Variants in SGCD observed in about 807,000 individuals in gnomAD.
SGCD encodes delta-sarcoglycan.
A neutral mutation model predicts 36.6 loss-of-function variants in SGCD; 18 were observed. The observed-to-expected ratio is 0.49, with a 90% CI of 0.34 to 0.73. The LOEUF is 0.73. Among genes scored for constraint, SGCD ranks in the 30% least tolerant of loss-of-function variants. SGCD has a pLI of 0.01. For synonymous variants in SGCD, 133 were observed against 130.6 expected (o/e 1.02, Z -0.12); for missense variants, 387 against 346.7 (o/e 1.12, Z -0.92).
At chr5:156,758,502 AT>A (rs1355360264) in intron 8 of SGCD, among the ~76,000 whole-genome samples, 5 of 151,718 alleles carry the variant, frequency 3.3e-5, no homozygotes, top group Non-Finnish European at 5.9e-5. Flanking sequence ...CCCCCTTTTG[AT>A]TGGTATGGCA....
intron 1 of SGCD, among the ~76,000 whole-genome samples, chr5:155,925,415 A>G (rs1756976479): frequency 6.6e-6 from 1 of 152,164 alleles, no homozygotes; most frequent in Non-Finnish European, 1.5e-5. Flanking sequence ...CCAAGGCCAC[A>G]TTCTCTCTGC....
intron 6 of SGCD, among the ~76,000 whole-genome samples, chr5:156,595,720 A>C (rs1308398837): frequency 6.6e-6 from 1 of 152,222 alleles, no homozygotes; most frequent in Admixed American, 6.5e-5. Context: ...TGATGCAGTG[A>C]TTCCTAAACC....
At chr5:156,173,713 CCAAA>C (rs1329868815) in intron 3 of SGCD, among the ~76,000 whole-genome samples, 3 of 151,826 alleles carry the variant, frequency 2.0e-5, no homozygotes, top group Admixed American at 1.3e-4. Context: ...TTAAAATTCC[CCAAA>C]CAATGTTAAA....
At chr5:156,021,233 A>C (rs1469216163) in intron 1 of SGCD, among the ~76,000 whole-genome samples, 5 of 152,162 alleles carry the variant, frequency 3.3e-5, no homozygotes, top group African/African-American at 4.8e-5. Context: ...GGCTTTTCAT[A>C]ATTTTTTAAA....
the SGCD span, among the ~76,000 whole-genome samples, chr5:155,770,348 C>A: frequency 6.6e-6 from 1 of 151,742 alleles, no homozygotes; most frequent in Non-Finnish European, 1.5e-5. Flanking sequence ...CATAAAGGAG[C>A]CAGCCATAGG....
At chr5:156,127,771 T>C (rs2127604870) in intron 3 of SGCD, among the ~76,000 whole-genome samples, 1 of 136,370 alleles carries the variant, frequency 7.3e-6, no homozygotes, top group East Asian at 2.2e-4. Flanking sequence ...GATATTTATG[T>C]AAAAAAATAA....
chr5:156,213,177 C>G (rs1216535774), intron 3 of SGCD, among the ~76,000 whole-genome samples: 1 of 151,662 alleles, frequency 6.6e-6, no homozygotes, highest in African/African-American at 2.4e-5. Flanking sequence ...GAGATCGAGA[C>G]TAGAAAAACA....
At chr5:156,509,369 G>T (rs747649447) in intron 4 of SGCD, among the ~76,000 whole-genome samples, 1 of 152,116 alleles carries the variant, frequency 6.6e-6, no homozygotes, top group Non-Finnish European at 1.5e-5. Flanking sequence ...AGGCTGCAGT[G>T]AGCCAAGATC....
intron 3 of SGCD, among the ~76,000 whole-genome samples, chr5:156,263,088 T>A (rs915740939): frequency 2.0e-5 from 3 of 152,108 alleles, no homozygotes; most frequent in Non-Finnish European, 4.4e-5. Flanking sequence ...TTTATCCTTT[T>A]TGTGTAATGA....
chr5:156,512,213 A>AG (rs1561746287), intron 4 of SGCD, among the ~76,000 whole-genome samples: 1 of 150,816 alleles, frequency 6.6e-6, no homozygotes, highest in Non-Finnish European at 1.5e-5. Flanking sequence ...AAAAAAAAAA[A>AG]GGAACAATTG....
intron 4 of SGCD, among the ~76,000 whole-genome samples, chr5:156,526,752 A>G (rs747917438): frequency 2.0e-5 from 3 of 152,172 alleles, no homozygotes; most frequent in Non-Finnish European, 2.9e-5. Context: ...ATTTTTTTTA[A>G]ACAGACACAT....
chr5:156,421,526 C>CTTA (rs1405529950), intron 3 of SGCD, among the ~76,000 whole-genome samples: 2 of 152,066 alleles, frequency 1.3e-5, no homozygotes, highest in African/African-American at 4.8e-5. Flanking sequence ...CACACATGAT[C>CTTA]TTATGGTCTA....
intron 3 of SGCD, among the ~76,000 whole-genome samples, chr5:156,497,513 G>A (rs893281877): frequency 6.6e-6 from 1 of 152,008 alleles, no homozygotes; most frequent in East Asian, 1.9e-4. Flanking sequence ...AACCTTATGA[G>A]ATTTTATAAA....
At chr5:155,915,366 T>C (rs1398331315) in intron 1 of SGCD, among the ~76,000 whole-genome samples, 3 of 152,104 alleles carry the variant, frequency 2.0e-5, no homozygotes, top group Non-Finnish European at 4.4e-5. Context: ...ATTTCCCCCA[T>C]TGAAAACGCA....
At chr5:156,605,581 G>A (rs1274090314) in intron 6 of SGCD, among the ~76,000 whole-genome samples, 1 of 152,140 alleles carries the variant, frequency 6.6e-6, no homozygotes, top group African/African-American at 2.4e-5. Flanking sequence ...GGATGGCTGG[G>A]TCAAATGATA....
the SGCD span, among the ~76,000 whole-genome samples, chr5:155,814,939 G>T: frequency 6.6e-6 from 1 of 152,044 alleles, no homozygotes; most frequent in East Asian, 1.9e-4. Context: ...ATAAAAAATG[G>T]CTATTTCTAT....
chr5:156,170,754 C>A (rs948954750), intron 3 of SGCD, among the ~76,000 whole-genome samples: 1 of 152,174 alleles, frequency 6.6e-6, no homozygotes. Flanking sequence ...TGGACAGAGA[C>A]CATCACCCCA....
At chr5:156,385,567 A>T (rs1247442306) in intron 3 of SGCD, among the ~76,000 whole-genome samples, 2 of 152,248 alleles carry the variant, frequency 1.3e-5, no homozygotes, top group African/African-American at 2.4e-5. Context: ...TGGACAAGTG[A>T]TACAGAAAAC....
intron 1 of SGCD, among the ~76,000 whole-genome samples, chr5:155,907,779 A>AG (rs1756549864): frequency 6.6e-6 from 1 of 152,150 alleles, no homozygotes; most frequent in African/African-American, 2.4e-5. Flanking sequence ...TTTTTGAAAT[A>AG]ACTAGAAAAG....
Sources: gnomAD v4.1 joint callset for allele counts (sites outside exome capture counted in the v4.1 genomes callset) on GRCh38, gnomAD v4.1.1 for gene constraint, MANE v1.5 for transcripts, NCBI Gene and HGNC (gene_info 2026-07-23, HGNC 2026-07-21) for gene names.